The following GSE1 variants were observed in gnomAD, a reference collection of about 807,000 sequenced individuals.
The protein encoded by GSE1 is genetic suppressor element 1.
In GSE1, 32 loss-of-function variants were observed where a neutral mutation model predicts 112.6. That is an observed-to-expected ratio of 0.28 (90% confidence interval 0.21 to 0.38). GSE1 has a LOEUF of 0.38. Among genes scored for constraint, GSE1 ranks in the 10% least tolerant of loss-of-function variants. The pLI is 1.00. For missense variants in GSE1, 2,348 were observed against 1,699.2 expected (o/e 1.38, Z -6.71); for synonymous variants, 1,115 against 735.6 (o/e 1.52, Z -8.35).
At chr16:85,637,749 G>A (rs1430580714) in intron 2 of GSE1, among the ~76,000 whole-genome samples, 2 of 150,992 alleles carry the variant, frequency 1.3e-5, no homozygotes, top group African/African-American at 4.8e-5. Context: ...CCTCCCTGCA[G>A]AAAGGGAGAC....
chr16:85,440,506 C>T (rs372203182), intron 2 of GSE1, among the ~76,000 whole-genome samples: 3 of 152,212 alleles, frequency 2.0e-5, no homozygotes, highest in African/African-American at 4.8e-5. Context: ...TCCTAAACAT[C>T]GTCTTTCTCA....
At chr16:85,251,017 A>G (rs1431666969) in intron 1 of GSE1, among the ~76,000 whole-genome samples, 1 of 152,220 alleles carries the variant, frequency 6.6e-6, no homozygotes, top group African/African-American at 2.4e-5. Flanking sequence ...TAGCTGAGTA[A>G]TATTCCACTG....
chr16:85,640,815 T>C (rs778090122), intron 2 of GSE1, among the ~76,000 whole-genome samples: 2 of 152,206 alleles, frequency 1.3e-5, no homozygotes, highest in Non-Finnish European at 2.9e-5. Flanking sequence ...CGGCGGCGGC[T>C]CTGCAGGCGT....
intron 2 of GSE1, among the ~76,000 whole-genome samples, chr16:85,539,663 G>C (rs1050267911): frequency 3.3e-5 from 5 of 152,082 alleles, no homozygotes; most frequent in Non-Finnish European, 7.4e-5. Context: ...TTTCATTAGC[G>C]CCTGCGTTCA....
intron 1 of GSE1, among the ~76,000 whole-genome samples, chr16:85,336,294 C>T (rs1425125360): frequency 1.3e-5 from 2 of 152,256 alleles, no homozygotes; most frequent in South Asian, 2.1e-4. Flanking sequence ...CTTGATTATT[C>T]ATTCAACAAA....
At chr16:85,656,817 G>GC (rs1460702426) in intron 7 of GSE1, 152 bp downstream of exon 7, 5 of 1,105,298 alleles carry the variant, frequency 4.5e-6, no homozygotes, top group Non-Finnish European at 6.3e-6. Context: ...GGAGTAGGGA[G>GC]CAGAGGCACG....
intron 1 of GSE1, chr16:85,593,134 G>A (rs960926012): frequency 6.6e-6 from 1 of 152,330 alleles, no homozygotes; most frequent in African/African-American, 2.4e-5. Flanking sequence ...ACAGCTGCTG[G>A]GTCAGTCACA....
At chr16:85,246,236 CACG>C (rs1905677281) in intron 1 of GSE1, among the ~76,000 whole-genome samples, 2 of 139,912 alleles carry the variant, frequency 1.4e-5, no homozygotes, top group Non-Finnish European at 3.1e-5. Flanking sequence ...CACACACACA[CACG>C]CACACCACAC....
intron 2 of GSE1, among the ~76,000 whole-genome samples, chr16:85,487,928 C>T (rs2050893569): frequency 6.6e-6 from 1 of 152,216 alleles, no homozygotes; most frequent in Non-Finnish European, 1.5e-5. Flanking sequence ...ATCACTGATG[C>T]CCCTGGCACC....
chr16:85,193,502 C>G (rs2074867594), intron 1 of GSE1, among the ~76,000 whole-genome samples: 1 of 152,094 alleles, frequency 6.6e-6, no homozygotes, highest in South Asian at 2.1e-4. Flanking sequence ...CCCTGTCGCC[C>G]AGGCTGAAGT....
chr16:85,301,111 G>A (rs2045511706), intron 1 of GSE1, among the ~76,000 whole-genome samples: 1 of 152,204 alleles, frequency 6.6e-6, no homozygotes. Flanking sequence ...AGACCCCCAG[G>A]CCTGGTGGGG....
chr16:85,460,713 C>T (rs937719208), intron 2 of GSE1, among the ~76,000 whole-genome samples: 1 of 152,114 alleles, frequency 6.6e-6, no homozygotes, highest in African/African-American at 2.4e-5. Flanking sequence ...GGGCGGAGCA[C>T]CCATGCGCAG....
At chr16:85,646,851 G>A (rs916403591) in intron 2 of GSE1, among the ~76,000 whole-genome samples, 2 of 150,070 alleles carry the variant, frequency 1.3e-5, no homozygotes, top group East Asian at 4.0e-4. Flanking sequence ...CCTCTGGGGA[G>A]CTGCTCTGGT....
chr16:85,507,870 G>A (rs1236420554), intron 2 of GSE1, among the ~76,000 whole-genome samples: 4 of 152,184 alleles, frequency 2.6e-5, no homozygotes, highest in Non-Finnish European at 5.9e-5. Context: ...TGAAATGGAT[G>A]CGTCATATTC....
chr16:85,622,328 A>G (rs936707318), intron 1 of GSE1, among the ~76,000 whole-genome samples: 1 of 152,106 alleles, frequency 6.6e-6, no homozygotes. Context: ...AAGATGGGAG[A>G]CGAGTCTGGA....
chr16:85,268,310 A>T (rs1021478352), intron 1 of GSE1, among the ~76,000 whole-genome samples: 2 of 152,000 alleles, frequency 1.3e-5, no homozygotes, highest in Non-Finnish European at 2.9e-5. Flanking sequence ...CTCCCCCCGC[A>T]GTCCTCCTCC....
chr16:85,454,661 C>T (rs1193574731), intron 2 of GSE1, among the ~76,000 whole-genome samples: 3 of 152,212 alleles, frequency 2.0e-5, no homozygotes, highest in Admixed American at 6.5e-5. Context: ...GAGGCCCTGG[C>T]GGAGGATCTG....
chr16:85,606,302 A>G (rs896735322), intron 1 of GSE1, among the ~76,000 whole-genome samples: 1 of 152,230 alleles, frequency 6.6e-6, no homozygotes, highest in Non-Finnish European at 1.5e-5. Flanking sequence ...ATGTGAGGAA[A>G]TGAAAACCTG....
intron 2 of GSE1, among the ~76,000 whole-genome samples, chr16:85,636,656 C>T (rs372648503): frequency 2.0e-5 from 3 of 149,364 alleles, no homozygotes; most frequent in South Asian, 2.2e-4. Flanking sequence ...CGGGTGGGGT[C>T]GTGTCCGTGT....
Sources: gnomAD v4.1 joint callset for allele counts (sites outside exome capture counted in the v4.1 genomes callset) on GRCh38, gnomAD v4.1.1 for gene constraint, MANE v1.5 for transcripts, NCBI Gene and HGNC (gene_info 2026-07-23, HGNC 2026-07-21) for gene names.